The following PEBP4 variants were observed in gnomAD, a reference collection of about 807,000 sequenced individuals.
PEBP4 encodes the protein phosphatidylethanolamine-binding protein 4.
A neutral mutation model predicts 23.9 loss-of-function variants in PEBP4; 22 were observed. That is an observed-to-expected ratio of 0.92 (90% confidence interval 0.66 to 1.31). PEBP4 has a LOEUF of 1.31. Ranked by LOEUF, PEBP4 falls within the 40% of genes most tolerant of loss-of-function variation. The pLI, the probability that PEBP4 is intolerant of heterozygous loss-of-function variation, is 0.00. For synonymous variants in PEBP4, 112 were observed against 99.3 expected, an observed-to-expected ratio of 1.13 and a Z score of -0.76; for missense variants, 324 against 281.7, an observed-to-expected ratio of 1.15 and a Z score of -1.07.
intron 3 of PEBP4, among the ~76,000 whole-genome samples, chr8:22,838,692 G>A (rs751108375): frequency 5.9e-5 from 9 of 152,266 alleles, no homozygotes; most frequent in Non-Finnish European, 1.3e-4. Context: ...GAGCTGGGGC[G>A]ATGCTGCCAG....
intron 4 of PEBP4, among the ~76,000 whole-genome samples, chr8:22,804,940 C>T (rs912761273): frequency 6.6e-6 from 1 of 152,178 alleles, no homozygotes; most frequent in Non-Finnish European, 1.5e-5. Context: ...CCTGTCCTCG[C>T]AGGGTTGCCT....
chr8:22,906,848 G>C lies in PEBP4; in HGVS notation c.258+13336C>G, dbSNP rs1157045703. Among the ~76,000 whole-genome samples, 4 of 152,206 alleles carry C rather than the reference G, an allele frequency of 2.6e-5. 1 individual carries two copies. The highest frequency in any genetic ancestry group is 1.3e-4 in the Admixed American group (2 of 15,276). On this transcript the variant is annotated intron_variant, in intron 3 of 6. Transcript: ENST00000256404. ...CCCTCATGGAGCTTACATTCTAGCTGTGTGGTAGGGGTGAGAATAGATAAA... is the reference window on the plus strand; with the variant it reads ...CCCTCATGGAGCTTACATTCTAGCTCTGTGGTAGGGGTGAGAATAGATAAA...
chr8:22,789,718 C>G (rs1471879999), intron 4 of PEBP4, among the ~76,000 whole-genome samples: 4 of 152,210 alleles, frequency 2.6e-5, no homozygotes, highest in Non-Finnish European at 5.9e-5. Context: ...CTAGGCTTCA[C>G]TGTCTTCTTA....
intron 3 of PEBP4, among the ~76,000 whole-genome samples, chr8:22,822,692 G>A (rs1806887111): frequency 2.0e-5 from 3 of 151,974 alleles, no homozygotes; most frequent in Non-Finnish European, 2.9e-5. Flanking sequence ...ATACATTTAA[G>A]ATCCCATTAA....
chr8:22,928,315 G>C (rs1455741200), upstream of PEBP4, among the ~76,000 whole-genome samples: 1 of 152,238 alleles, frequency 6.6e-6, no homozygotes, highest in African/African-American at 2.4e-5. Flanking sequence ...TGCTGCAGGG[G>C]GTGGGGGTAG....
chr8:22,734,970 A>T (rs187548259), intron 4 of PEBP4, among the ~76,000 whole-genome samples: 2 of 152,326 alleles, frequency 1.3e-5, no homozygotes, highest in Non-Finnish European at 2.9e-5. Flanking sequence ...CTTGAAAAGT[A>T]CAGGCTGTCC....
At chr8:22,915,385 G>A (rs1365135534) in intron 3 of PEBP4, among the ~76,000 whole-genome samples, 2 of 104,386 alleles carry the variant, frequency 1.9e-5, no homozygotes, top group Admixed American at 1.1e-4. Context: ...TGCCCTACCC[G>A]CCCCGACCCC....
intron 3 of PEBP4, among the ~76,000 whole-genome samples, chr8:22,919,951 A>T (rs1189527430): frequency 6.6e-6 from 1 of 152,296 alleles, no homozygotes; most frequent in East Asian, 1.9e-4. Context: ...GCCTGGGCAG[A>T]ATGGCCTCAA....
intron 4 of PEBP4, among the ~76,000 whole-genome samples, chr8:22,756,487 G>A (rs1458927040): frequency 4.6e-5 from 7 of 152,146 alleles, no homozygotes; most frequent in African/African-American, 1.7e-4. Flanking sequence ...GCATCTCTCC[G>A]CTTCCTCCCT....
chr8:22,753,022 G>A (rs1182553760), intron 4 of PEBP4, among the ~76,000 whole-genome samples: 2 of 152,310 alleles, frequency 1.3e-5, no homozygotes, highest in African/African-American at 2.4e-5. Flanking sequence ...GGCAAATGGA[G>A]CAGGTTAATC....
chr8:22,812,369 C>T (rs147612939), intron 4 of PEBP4, among the ~76,000 whole-genome samples: 1 of 152,274 alleles, frequency 6.6e-6, no homozygotes, highest in African/African-American at 2.4e-5. Context: ...GTTCATCTGA[C>T]CCAAAGTCCG....
At chr8:22,819,177 A>C (rs910182634) in intron 3 of PEBP4, among the ~76,000 whole-genome samples, 4 of 152,194 alleles carry the variant, frequency 2.6e-5, no homozygotes, top group African/African-American at 9.7e-5. Flanking sequence ...CTGAACTGTA[A>C]AACATGCTAC....
At chr8:22,792,226 G>A (rs893022271) in intron 4 of PEBP4, among the ~76,000 whole-genome samples, 87 of 152,252 alleles carry the variant, frequency 5.7e-4, no homozygotes, top group African/African-American at 2.1e-3. Flanking sequence ...AGAGGGAGCT[G>A]GCTAGGTCAA....
In PEBP4 at chr8:22,825,488, G is replaced by A. The variant is rs189696784; in HGVS notation, c.259-7753C>T. 5.4e-4 allele frequency among the ~76,000 whole-genome samples: 82 copies of A among 152,340 alleles called. 1 individual carries two copies. The highest frequency in any genetic ancestry group is 4.6e-3 in the Admixed American group (71 of 15,306). Reference sequence around the variant, plus strand: ...ATAGAGACTGTTTTATACTTCTGTAGGGGTATAGACCTAGTAAAATGCCAG... The same window carrying A: ...ATAGAGACTGTTTTATACTTCTGTAAGGGTATAGACCTAGTAAAATGCCAG... On this transcript the variant is annotated intron_variant, in intron 3 of 6. Coordinates refer to ENST00000256404, the MANE Select transcript of PEBP4 (RefSeq NM_144962.3).
intron 4 of PEBP4, among the ~76,000 whole-genome samples, chr8:22,789,808 C>G (rs923650859): frequency 6.6e-6 from 1 of 152,262 alleles, no homozygotes; most frequent in Non-Finnish European, 1.5e-5. Context: ...CTCTCCGCCT[C>G]CCACTCTGCT....
chr8:22,742,701 C>T (rs1805022395), intron 4 of PEBP4, among the ~76,000 whole-genome samples: 1 of 152,172 alleles, frequency 6.6e-6, no homozygotes, highest in Admixed American at 6.5e-5. Context: ...GAGAAAGCAG[C>T]CAGGCCACCT....
intron 4 of PEBP4, among the ~76,000 whole-genome samples, chr8:22,795,819 G>A (rs1806246818): frequency 1.3e-5 from 2 of 152,064 alleles, no homozygotes; most frequent in Non-Finnish European, 2.9e-5. Flanking sequence ...GATATTTTAT[G>A]CCACTTGTTA....
At chr8:22,938,860 C>T (rs1809573688) in intron 1 of PEBP4, among the ~76,000 whole-genome samples, 1 of 152,232 alleles carries the variant, frequency 6.6e-6, no homozygotes, top group Admixed American at 6.5e-5. Flanking sequence ...GCACTATGAA[C>T]ATAGCAGATG....
intron 4 of PEBP4, among the ~76,000 whole-genome samples, chr8:22,790,743 G>A (rs1806120923): frequency 6.6e-6 from 1 of 152,128 alleles, no homozygotes. Flanking sequence ...GCAAACAGAC[G>A]GGGTTTAATT....
Sources: gnomAD v4.1 joint callset for allele counts (sites outside exome capture counted in the v4.1 genomes callset) on GRCh38, gnomAD v4.1.1 for gene constraint, MANE v1.5 for transcripts, NCBI Gene and HGNC (gene_info 2026-07-23, HGNC 2026-07-21) for gene names.